Variants in PLBD2 observed in about 807,000 individuals in gnomAD.
The protein encoded by PLBD2 is putative aminopeptidase PLBD2.
PLBD2 carries 51 observed loss-of-function variants against 68.3 expected under a neutral mutation model. That is an observed-to-expected ratio of 0.75 (90% CI 0.60 to 0.94). The LOEUF is 0.94. PLBD2 is among the 40% of genes least tolerant of loss of function. The pLI is 0.00. For synonymous variants in PLBD2, 314 were observed against 339.3 expected (o/e 0.93, Z 0.82); for missense variants, 729 against 792.2 (o/e 0.92, Z 0.96).
chr12:113,379,307 C>CA (rs759130410), intron 5 of PLBD2, among the ~76,000 whole-genome samples: 1,817 of 44,868 alleles, frequency 0.04, 79 homozygotes, highest in African/African-American at 0.1. Flanking sequence ...GACTCTGTCT[C>CA]AAAAAAAAAA....
intron 6 of PLBD2, 148 bp downstream of exon 6, chr12:113,380,990 T>C (rs36019885): frequency 0.055 from 40,638 of 738,692 alleles, 1,699 homozygotes; most frequent in African/African-American, 0.15. Flanking sequence ...CAGTGGAGGA[T>C]GAGGTGGACG....
Position 113,390,380 on chromosome 12 carries a change from T to A in PLBD2, c.*1754T>A, listed in dbSNP as rs1486083139. The A allele has an allele frequency of 1.3e-5, 2 of 151,812 alleles. No homozygotes were observed. Among genetic ancestry groups the A allele is most frequent in the Admixed American group, 6.6e-5 (1 of 15,246 alleles). 9.4% of individuals were successfully genotyped at this position (151,812 alleles called of 1,614,324 possible). A position where few individuals can be genotyped will look rare whatever the true frequency, so the allele number is the denominator to read the frequency against. On this transcript the variant is annotated 3_prime_UTR_variant, in exon 12 of 12. Coordinates refer to ENST00000280800, the MANE Select transcript of PLBD2 (RefSeq NM_173542.4). ...AACCATCAATCCAACCATTTTCATC[T>A]GTTCATTTTCCATCCATCTACCCGT... is the stretch of plus-strand genomic sequence containing the variant.
At chr12:113,387,265 C>T (rs935470792) in intron 10 of PLBD2, among the ~76,000 whole-genome samples, 176 bp downstream of exon 10, 2 of 151,882 alleles carry the variant, frequency 1.3e-5, no homozygotes, top group East Asian at 3.9e-4. Flanking sequence ...CCACTTGGGC[C>T]CTGTCACTGT....
Position 113,388,752 on chromosome 12 carries a change from G to A in PLBD2, c.*126G>A. On this transcript the variant is annotated 3_prime_UTR_variant, in exon 12 of 12. Coordinates refer to ENST00000280800, the MANE Select transcript of PLBD2 (RefSeq NM_173542.4). Reference sequence around the variant, plus strand: ...CTTCGTTCTCTGATCTGGGGTCTGAGTCATCTCCTCCTAGAGTGGGTCACG... The same window carrying A: ...CTTCGTTCTCTGATCTGGGGTCTGAATCATCTCCTCCTAGAGTGGGTCACG... 1 of 1,079,182 alleles carries A rather than the reference G, an allele frequency of 9.3e-7. No homozygotes were observed. Among genetic ancestry groups the A allele is most frequent in the Non-Finnish European group, 1.3e-6 (1 of 781,458 alleles). 66.9% of individuals were successfully genotyped at this position (1,079,182 alleles called of 1,614,324 possible). A position where few individuals can be genotyped will look rare whatever the true frequency, so the allele number is the denominator to read the frequency against.
At chr12:113,386,799 G>A (rs559269728) in intron 9 of PLBD2, 138 bp from the exon 10 acceptor site, 39 of 980,708 alleles carry the variant, frequency 4.0e-5, no homozygotes, top group Middle Eastern at 6.5e-4. Flanking sequence ...GATTACAGGT[G>A]TGAGCCACTG....
chr12:113,358,612 G>A lies in PLBD2; in HGVS notation c.12G>A (p.Gln4=). The change falls in exon 1 of 12, where the codon CAG becomes CAA. Residue 4 remains glutamine, a synonymous_variant. Transcript: ENST00000280800. ...AGCATTGTGCGGTCATGGTGGGCCA[G>A]ATGTACTGCTACCCCGGCAGCCACC... MVG[Q]MYCYPGSHLA... 5 of 1,470,834 alleles carry A rather than the reference G, an allele frequency of 3.4e-6. No individual in the cohort carries two copies. The highest frequency in any genetic ancestry group is 4.5e-6 in the Non-Finnish European group (5 of 1,119,014). 91.1% of individuals were successfully genotyped at this position (1,470,834 alleles called of 1,614,324 possible).
chr12:113,378,993 A>G (rs929730540), intron 5 of PLBD2, among the ~76,000 whole-genome samples: 2 of 152,056 alleles, frequency 1.3e-5, no homozygotes, highest in African/African-American at 4.8e-5. Context: ...CTTTGTTTTA[A>G]AGTGCAAAGA....
intron 5 of PLBD2, among the ~76,000 whole-genome samples, chr12:113,379,227 G>A (rs1222752216): frequency 6.9e-6 from 1 of 145,864 alleles, no homozygotes; most frequent in Non-Finnish European, 1.5e-5. Context: ...AGAATCACTT[G>A]AACCTGGGAG....
chr12:113,375,500 C>T (rs1957432330), intron 5 of PLBD2, among the ~76,000 whole-genome samples: 1 of 152,158 alleles, frequency 6.6e-6, no homozygotes, highest in Admixed American at 6.6e-5. Flanking sequence ...TTACCTATTG[C>T]TGCTTAACCA....
intron 1 of PLBD2, among the ~76,000 whole-genome samples, chr12:113,363,002 GC>G (rs1957309163): frequency 6.6e-6 from 1 of 150,940 alleles, no homozygotes; most frequent in African/African-American, 2.4e-5. Context: ...CACCATGTTG[GC>G]CAGGCTGGTC....
chr12:113,366,266 T>A (rs1957341394), intron 1 of PLBD2, among the ~76,000 whole-genome samples: 1 of 152,208 alleles, frequency 6.6e-6, no homozygotes, highest in Non-Finnish European at 1.5e-5. Context: ...CTTTAGCGTC[T>A]TCCTGTTGCC....
At chr12:113,362,943 C>T (rs1957308082) in intron 1 of PLBD2, among the ~76,000 whole-genome samples, 1 of 150,560 alleles carries the variant, frequency 6.6e-6, no homozygotes, top group Non-Finnish European at 1.5e-5. Flanking sequence ...AGCCACTATA[C>T]CCAGCTAATT....
chr12:113,380,127 T>TTTTA (rs750830957), intron 5 of PLBD2, among the ~76,000 whole-genome samples: 53 of 150,088 alleles, frequency 3.5e-4, no homozygotes, highest in Non-Finnish European at 6.2e-4. Context: ...GTGTTATTTC[T>TTTTA]TTTATTTATT....
In PLBD2 at chr12:113,390,596, A is replaced by G. The variant is rs1957601978; in HGVS notation, c.*1970A>G. The G allele has an allele frequency of 6.6e-6, 1 of 151,176 alleles. No homozygotes were observed. 9.4% of individuals were successfully genotyped at this position (151,176 alleles called of 1,614,324 possible). ...TTATCATCCATCTACCCACTCACCCATCCATCCAACCTTCCAACCATTTAT... is the reference window on the plus strand; with the variant it reads ...TTATCATCCATCTACCCACTCACCCGTCCATCCAACCTTCCAACCATTTAT... On this transcript the variant is annotated 3_prime_UTR_variant, in exon 12 of 12. Transcript: ENST00000280800.
intron 5 of PLBD2, 23 bp downstream of exon 5, chr12:113,375,030 G>A: frequency 6.2e-7 from 1 of 1,611,126 alleles, no homozygotes; most frequent in Non-Finnish European, 8.5e-7. Context: ...GGGTGTGTCT[G>A]GGGGATGAGC....
intron 9 of PLBD2, among the ~76,000 whole-genome samples, chr12:113,386,707 CAG>C (rs1264719127): frequency 6.6e-6 from 1 of 152,100 alleles, no homozygotes; most frequent in African/African-American, 2.4e-5. Context: ...TTAGTGGAGA[CAG>C]GGTTTCACCA....
chr12:113,376,768 G>T (rs1957441334), intron 5 of PLBD2: 1 of 152,232 alleles, frequency 6.6e-6, no homozygotes, highest in Admixed American at 6.5e-5. Flanking sequence ...AGTGAACAGT[G>T]ATCACGCCAT....
intron 1 of PLBD2, among the ~76,000 whole-genome samples, chr12:113,368,065 G>T (rs1415810684): frequency 6.6e-6 from 1 of 151,578 alleles, no homozygotes; most frequent in African/African-American, 2.4e-5. Flanking sequence ...CTGGGAAACA[G>T]CCAGACTCTG....
intron 11 of PLBD2, 104 bp from the exon 12 acceptor site, chr12:113,388,355 A>G: frequency 8.8e-7 from 1 of 1,130,172 alleles, no homozygotes; most frequent in Non-Finnish European, 1.2e-6. Flanking sequence ...AAAAAGTGAC[A>G]GTTCAGAATT....
Sources: allele counts gnomAD v4.1 joint callset (sites outside exome capture counted in the v4.1 genomes callset), GRCh38; gene constraint gnomAD v4.1.1; transcripts MANE v1.5; gene names NCBI Gene and HGNC (gene_info 2026-07-23, HGNC 2026-07-21).